Variants in FRMD4B observed in about 807,000 individuals in gnomAD.
The protein encoded by FRMD4B is FERM domain-containing protein 4B.
FRMD4B carries 74 observed loss-of-function variants against 141.5 expected under a neutral mutation model. The observed-to-expected ratio is 0.52, with a 90% CI of 0.43 to 0.63. The LOEUF is 0.63. FRMD4B is among the 30% of genes least tolerant of loss of function. The probability of loss-of-function intolerance (pLI) is 0.00; values close to 1 mark genes in which losing one functional copy is unlikely to be tolerated. For missense variants in FRMD4B, 1,366 were observed against 1,253.4 expected, an observed-to-expected ratio of 1.09 and a Z score of -1.36; for synonymous variants, 506 against 467.9, an observed-to-expected ratio of 1.08 and a Z score of -1.05.
chr3:69,348,046 T>C (rs545677418), intron 1 of FRMD4B, among the ~76,000 whole-genome samples: 52 of 152,246 alleles, frequency 3.4e-4, no homozygotes, highest in African/African-American at 1.1e-3. Flanking sequence ...ATCCAGGAGC[T>C]GGTTTTTTGA....
intron 1 of FRMD4B, among the ~76,000 whole-genome samples, chr3:69,486,307 G>C (rs1232263106): frequency 6.6e-6 from 1 of 152,082 alleles, no homozygotes; most frequent in East Asian, 1.9e-4. Flanking sequence ...TGAGATTTTG[G>C]TGTATGCATC....
At chr3:69,229,820 C>T (rs1033139485) in intron 7 of FRMD4B, among the ~76,000 whole-genome samples, 4 of 152,104 alleles carry the variant, frequency 2.6e-5, no homozygotes, top group Non-Finnish European at 5.9e-5. Context: ...ATTCTCCTGC[C>T]TCAGCCTCCG....
At chr3:69,285,415 A>T (rs1019698476) in intron 5 of FRMD4B, among the ~76,000 whole-genome samples, 2 of 151,234 alleles carry the variant, frequency 1.3e-5, no homozygotes, top group African/African-American at 4.8e-5. Flanking sequence ...AAAAAAAAAA[A>T]CCTGAAGAAA....
At chr3:69,494,729 TA>T (rs1318300237) in intron 1 of FRMD4B, among the ~76,000 whole-genome samples, 1 of 152,096 alleles carries the variant, frequency 6.6e-6, no homozygotes, top group African/African-American at 2.4e-5. Context: ...CTGTCTCTAC[TA>T]AAAATACAAA....
chr3:69,449,330 GT>G (rs747806582), intron 1 of FRMD4B, among the ~76,000 whole-genome samples: 29 of 152,170 alleles, frequency 1.9e-4, no homozygotes, highest in Non-Finnish European at 3.8e-4. Context: ...AACGAAGATT[GT>G]GTTCTAACAC....
intron 1 of FRMD4B, among the ~76,000 whole-genome samples, chr3:69,336,798 G>T (rs1242220150): frequency 1.3e-5 from 2 of 152,138 alleles, no homozygotes; most frequent in Non-Finnish European, 2.9e-5. Flanking sequence ...TAAAAAATTA[G>T]CTGGGCATGG....
intron 1 of FRMD4B, chr3:69,535,755 C>T: frequency 2.2e-6 from 1 of 460,236 alleles, no homozygotes; most frequent in Admixed American, 2.5e-5. Flanking sequence ...TCTTCCTAGA[C>T]AGGTGTGCAG....
Position 69,193,740 on chromosome 3 carries a change from G to T in FRMD4B, c.1622C>A (p.Ala541Glu), listed in dbSNP as rs115964883. Reference sequence around the variant, plus strand: ...TTCAATCTCCTGAAGCTTTTTCATCGCATCTGTGTAATCTTGCTTTCGCTT... The same window carrying T: ...TTCAATCTCCTGAAGCTTTTTCATCTCATCTGTGTAATCTTGCTTTCGCTT... ...KKKRKQDYTD[A>E]MKKLQEIENA... Residue 541 changes from alanine to glutamate, a missense_variant, in exon 17 of 23, where the codon GCG becomes GAG. By Grantham distance (107) the Ala-to-Glu change is moderately radical (BLOSUM62 -1). Transcript: ENST00000398540. 1.2e-6 allele frequency: 2 copies of T among 1,613,092 alleles called. No homozygotes were observed. Among genetic ancestry groups the T allele is most frequent in the Admixed American group, 1.7e-5 (1 of 59,998 alleles).
At chr3:69,384,054 C>T (rs1298122808) in intron 1 of FRMD4B, among the ~76,000 whole-genome samples, 1 of 152,104 alleles carries the variant, frequency 6.6e-6, no homozygotes, top group Non-Finnish European at 1.5e-5. Flanking sequence ...CCTGCCTCAG[C>T]CTTCTGAGTA....
At chr3:69,396,913 G>A (rs1704482367) in intron 2 of FRMD4B, among the ~76,000 whole-genome samples, 1 of 152,134 alleles carries the variant, frequency 6.6e-6, no homozygotes, top group African/African-American at 2.4e-5. Context: ...ATAGCCAAAT[G>A]GTGGGAATTA....
At chr3:69,239,146 A>G (rs2093364844) in intron 7 of FRMD4B, among the ~76,000 whole-genome samples, 1 of 152,210 alleles carries the variant, frequency 6.6e-6, no homozygotes, top group Admixed American at 6.5e-5. Flanking sequence ...GACAGAGTCT[A>G]TTGGCAACCA....
intron 1 of FRMD4B, among the ~76,000 whole-genome samples, chr3:69,322,133 T>C (rs1702020096): frequency 6.6e-6 from 1 of 152,222 alleles, no homozygotes; most frequent in African/African-American, 2.4e-5. Flanking sequence ...AGGTGTGTTA[T>C]TAAACTCCTC....
chr3:69,215,539 C>T (rs2093132400), intron 11 of FRMD4B, among the ~76,000 whole-genome samples: 1 of 151,090 alleles, frequency 6.6e-6, no homozygotes, highest in Admixed American at 6.6e-5. Context: ...GATCCACCCA[C>T]CTTGGCCTCC....
At position 69,287,806 on chromosome 3, in the gene FRMD4B, CT is replaced by C. The variant is rs1266144099; in HGVS notation, c.446del (p.Lys149ArgfsTer11). 14 of 1,595,122 alleles carry C rather than the reference CT, an allele frequency of 8.8e-6. No homozygotes were observed. The highest frequency in any genetic ancestry group is 1.1e-5 in the Non-Finnish European group (13 of 1,166,470). On this transcript the variant is annotated frameshift_variant, in exon 5 of 23. Transcript: ENST00000398540. LOFTEE classifies it high-confidence loss of function. ...AAAACAGCTCCACGGTGGTTTTATC[CT>C]TTAAAAACGATATGCTCTCAATGTA... ...RFYIESISFL[K>X]DKTTVELFFL...
chr3:69,478,929 T>C (rs1372060205), intron 1 of FRMD4B, among the ~76,000 whole-genome samples: 3 of 148,706 alleles, frequency 2.0e-5, no homozygotes, highest in Non-Finnish European at 4.5e-5. Context: ...TTAGCTCTTC[T>C]TGTTGAATTG....
chr3:69,396,173 C>T (rs1704470674), intron 2 of FRMD4B, among the ~76,000 whole-genome samples: 1 of 152,180 alleles, frequency 6.6e-6, no homozygotes, highest in Admixed American at 6.5e-5. Flanking sequence ...CAACACCCAA[C>T]TCTGGCAGCA....
intron 1 of FRMD4B, among the ~76,000 whole-genome samples, chr3:69,485,712 G>A (rs1706204114): frequency 6.6e-6 from 1 of 152,192 alleles, no homozygotes; most frequent in Admixed American, 6.5e-5. Context: ...TCCAGGGCAG[G>A]GGCAATGTTG....
chr3:69,210,535 T>G (rs2093065332), intron 11 of FRMD4B, among the ~76,000 whole-genome samples: 1 of 152,130 alleles, frequency 6.6e-6, no homozygotes, highest in Non-Finnish European at 1.5e-5. Flanking sequence ...CAATGACATA[T>G]TCATACACAA....
intron 10 of FRMD4B, among the ~76,000 whole-genome samples, chr3:69,218,082 C>G (rs529235429): frequency 1.9e-4 from 29 of 152,226 alleles, no homozygotes; most frequent in African/African-American, 6.5e-4. Context: ...AGGTGACCAA[C>G]TGGAAAAAAG....
Sources: gnomAD v4.1 joint callset for allele counts (sites outside exome capture counted in the v4.1 genomes callset) on GRCh38, gnomAD v4.1.1 for gene constraint, MANE v1.5 for transcripts, NCBI Gene and HGNC (gene_info 2026-07-23, HGNC 2026-07-21) for gene names.